PHYKPL: variants seen among roughly 807,000 people sequenced by gnomAD.
The protein encoded by PHYKPL is 5-phosphohydroxy-L-lysine phospho-lyase, also known as 5-phosphonooxy-L-lysine phospho-lyase.
Under a neutral mutation model 51.3 loss-of-function variants are expected in PHYKPL, and 42 were observed. That is an observed-to-expected ratio of 0.82 (90% CI 0.64 to 1.06). The LOEUF (loss-of-function observed/expected upper bound fraction) is 1.06, where lower values mean the gene tolerates loss of function less well. Ranked by LOEUF, PHYKPL falls within the 50% of genes least tolerant of loss-of-function variation. The probability of loss-of-function intolerance (pLI) is 0.00; values close to 1 mark genes in which losing one functional copy is unlikely to be tolerated. For missense variants in PHYKPL, 655 were observed against 586.6 expected (o/e 1.12, Z -1.20); for synonymous variants, 264 against 236.0 (o/e 1.12, Z -1.09).
At chr5:178,214,660 G>C in intron 10 of PHYKPL, 136 bp downstream of exon 10, 1 of 745,948 alleles carries the variant, frequency 1.3e-6, no homozygotes, top group Non-Finnish European at 2.2e-6. Flanking sequence ...CCACCCGCCA[G>C]CCCCAGCCCT....
chr5:178,226,614 G>A (rs1293484416), intron 3 of PHYKPL: 1 of 152,228 alleles, frequency 6.6e-6, no homozygotes, highest in Non-Finnish European at 1.5e-5. Context: ...TTATCTGGAA[G>A]CTCTCTGAAT....
intron 12 of PHYKPL, chr5:178,209,554 T>G: frequency 2.1e-6 from 2 of 938,822 alleles, no homozygotes; most frequent in Non-Finnish European, 1.7e-6. Context: ...GTGGGCAGAT[T>G]GTGTGAGGTT....
intron 1 of PHYKPL, chr5:178,232,059 C>A: frequency 8.4e-7 from 1 of 1,190,404 alleles, no homozygotes; most frequent in Non-Finnish European, 1.1e-6. Flanking sequence ...CCGACTCCCC[C>A]GACTCTCCCT....
chr5:178,228,704 T>C, intron 3 of PHYKPL: 1 of 681,890 alleles, frequency 1.5e-6, no homozygotes, highest in Non-Finnish European at 2.7e-6. Flanking sequence ...CCACCTACGA[T>C]TTGTTGGAAT....
intron 10 of PHYKPL, among the ~76,000 whole-genome samples, chr5:178,213,744 T>C (rs1379333532): frequency 1.3e-5 from 2 of 152,228 alleles, no homozygotes; most frequent in African/African-American, 4.8e-5. Flanking sequence ...TTTTATTTCT[T>C]GGGGGTGGGG....
At chr5:178,212,035 T>G in intron 11 of PHYKPL, 65 bp from the exon 12 acceptor site, 1 of 1,566,310 alleles carries the variant, frequency 6.4e-7, no homozygotes, top group Non-Finnish European at 8.8e-7. Context: ...CCCTGTTGAC[T>G]TCAGTGTCCA....
chr5:178,212,834 C>T (rs893440093), intron 11 of PHYKPL, 139 bp downstream of exon 11: 1 of 1,231,662 alleles, frequency 8.1e-7, no homozygotes, highest in Non-Finnish European at 1.1e-6. Context: ...AAGACCCTCT[C>T]TTGCTCCCTG....
intron 8 of PHYKPL, among the ~76,000 whole-genome samples, chr5:178,219,819 T>C (rs1034002607): frequency 5.3e-5 from 8 of 152,092 alleles, no homozygotes; most frequent in African/African-American, 9.7e-5. Context: ...TCACGTAATC[T>C]GAAATCAGGG....
chr5:178,224,294 T>A (rs1761819348), intron 6 of PHYKPL, 154 bp downstream of exon 6: 2 of 830,296 alleles, frequency 2.4e-6, no homozygotes, highest in Non-Finnish European at 3.7e-6. Flanking sequence ...GCACTCAGAC[T>A]CTCTGCTGAG....
chr5:178,231,058 T>C (rs557417673), intron 2 of PHYKPL: 2 of 216,122 alleles, frequency 9.3e-6, no homozygotes, highest in African/African-American at 2.3e-5. Flanking sequence ...GCCTAGCACC[T>C]GAGATGGCCA....
intron 12 of PHYKPL, chr5:178,210,081 C>A (rs758087265): frequency 1.2e-6 from 2 of 1,602,880 alleles, no homozygotes; most frequent in South Asian, 1.1e-5. Context: ...CATCCTAGCT[C>A]CTGCGTATGC....
chr5:178,223,863 C>A, intron 6 of PHYKPL: 2 of 212,036 alleles, frequency 9.4e-6, no homozygotes. Context: ...TCAGGCCTCC[C>A]CACAGCTCAC....
At chr5:178,212,097 C>A in intron 11 of PHYKPL, 127 bp from the exon 12 acceptor site, 1 of 956,358 alleles carries the variant, frequency 1.0e-6, no homozygotes. Flanking sequence ...CACCCATGTC[C>A]CATTCCCCAA....
At chr5:178,222,781 T>C (rs1186277053) in intron 7 of PHYKPL, 71 bp downstream of exon 7, 21 of 1,544,026 alleles carry the variant, frequency 1.4e-5, no homozygotes, top group Non-Finnish European at 1.9e-5. Flanking sequence ...GAGGTTGGGA[T>C]TTGGACCAGA....
chr5:178,224,393 A>C, intron 6 of PHYKPL, 55 bp downstream of exon 6: 1 of 1,475,234 alleles, frequency 6.8e-7, no homozygotes, highest in Non-Finnish European at 9.2e-7. Flanking sequence ...AGTGGCGGTG[A>C]CAACGGAGGT....
At chr5:178,210,495 G>A (rs915686875) in intron 12 of PHYKPL, 15 of 1,548,302 alleles carry the variant, frequency 9.7e-6, no homozygotes, top group African/African-American at 5.4e-5. Context: ...CATATCAAGC[G>A]CGTGGCACAG....
chr5:178,224,946 ATC>A (rs1761995768), intron 4 of PHYKPL: 3 of 565,684 alleles, frequency 5.3e-6, no homozygotes, highest in South Asian at 2.3e-5. Flanking sequence ...TCATCATTTA[ATC>A]TCTCTCGGTT....
rs1278973334 is a variant in PHYKPL at position 178,208,769 on chromosome 5, A to G, written c.*178T>C. Reference sequence around the variant, plus strand: ...ATGCAGACATCTGGGTTATTCCAACAGACCAGTGGTTAGGAGGAGGGGGTG... The same window carrying G: ...ATGCAGACATCTGGGTTATTCCAACGGACCAGTGGTTAGGAGGAGGGGGTG... On this transcript the variant is annotated 3_prime_UTR_variant, in exon 13 of 13. Transcript: ENST00000308158. 3 of 153,232 alleles carry G rather than the reference A, an allele frequency of 2.0e-5. 1 individual carries two copies. The highest frequency in any genetic ancestry group is 1.9e-4 in the Admixed American group (3 of 15,434). The allele number at this position is 153,232 out of a possible 1,614,324, so 9.5% of individuals were successfully genotyped here.
intron 10 of PHYKPL, among the ~76,000 whole-genome samples, chr5:178,214,230 A>G (rs1581230604): frequency 6.6e-6 from 1 of 152,134 alleles, no homozygotes; most frequent in East Asian, 1.9e-4. Flanking sequence ...GGGAATAACA[A>G]TTCAACTAGA....
Sources: allele counts gnomAD v4.1 joint callset (sites outside exome capture counted in the v4.1 genomes callset), GRCh38; gene constraint gnomAD v4.1.1; transcripts MANE v1.5; gene names NCBI Gene and HGNC (gene_info 2026-07-23, HGNC 2026-07-21).